The following ISLR2 variants were observed in gnomAD, a reference collection of about 807,000 sequenced individuals.
The protein encoded by ISLR2 is immunoglobulin superfamily containing leucine-rich repeat protein 2.
A neutral mutation model predicts 25.5 loss-of-function variants in ISLR2; 16 were observed. The observed-to-expected ratio is 0.63, with a 90% CI of 0.43 to 0.95. ISLR2 has a LOEUF of 0.95. Ranked by LOEUF, ISLR2 falls within the 40% of genes least tolerant of loss-of-function variation. The probability of loss-of-function intolerance (pLI) is 0.00; values close to 1 mark genes in which losing one functional copy is unlikely to be tolerated. For synonymous variants in ISLR2, 508 were observed against 486.6 expected (o/e 1.04, Z -0.58); for missense variants, 883 against 1,030.7 (o/e 0.86, Z 1.96).
At chr15:74,137,264 T>C (rs560393577), downstream of ISLR2, among the ~76,000 whole-genome samples, 2 of 152,218 alleles carry the variant, frequency 1.3e-5, no homozygotes, top group South Asian at 2.1e-4. Context: ...ATGGGATTCA[T>C]AGGGACAAGA....
At chr15:74,138,288 C>CTTTTTTTTTTTT (rs34518777), downstream of ISLR2, 30 of 91,654 alleles carry the variant, frequency 3.3e-4, no homozygotes, top group South Asian at 7.9e-4. Flanking sequence ...TTTCTTTTCT[C>CTTTTTTTTTTTT]TTTTTTTTTT....
At chr15:74,130,840 T>G (rs1387863831) in intron 1 of ISLR2, among the ~76,000 whole-genome samples, 2 of 147,284 alleles carry the variant, frequency 1.4e-5, no homozygotes, top group Admixed American at 6.8e-5. Context: ...GTGGGGGAGG[T>G]GGTGTGATCA....
chr15:74,138,617 A>T (rs919372673), downstream of ISLR2: 2 of 152,360 alleles, frequency 1.3e-5, no homozygotes, highest in Non-Finnish European at 2.9e-5. Flanking sequence ...TAGAAATGTT[A>T]GCGGAGATAA....
chr15:74,128,791 A>G (rs962726114), upstream of ISLR2: 36 of 422,752 alleles, frequency 8.5e-5, no homozygotes, highest in Middle Eastern at 3.8e-4. Flanking sequence ...TATCCTTCCC[A>G]GGCACAGGCT....
downstream of ISLR2, among the ~76,000 whole-genome samples, chr15:74,140,498 CAACA>C (rs2072605713): frequency 1.3e-5 from 2 of 152,168 alleles, no homozygotes; most frequent in South Asian, 4.1e-4. Flanking sequence ...GCTCTCTGCA[CAACA>C]GGAGGTGTCG....
At position 74,134,649 on chromosome 15, in the gene ISLR2, A is replaced by G. The variant is rs1329796338; in HGVS notation, c.1895A>G (p.Gln632Arg). 28 of 1,613,950 alleles carry G rather than the reference A, an allele frequency of 1.7e-5. No homozygotes were observed. Among genetic ancestry groups the G allele is most frequent in the Non-Finnish European group, 2.0e-5 (24 of 1,180,024 alleles). Reference protein sequence around the residue: ...GKPYRLILRPQAPDPMEKRIA... With the variant: ...GKPYRLILRPRAPDPMEKRIA... ...CCCTACCGTCTGATCCTGCGGCCTC[A>G]GGCCCCTGACCCTATGGAGAAGCGC... The change falls in exon 3 of 3, where the codon CAG becomes CGG. Residue 632 changes from glutamine (Q) to arginine (R), a missense_variant. Gln to Arg is a conservative substitution (Grantham distance 43, BLOSUM62 1). Transcript: ENST00000453268.
chr15:74,134,983 G>C lies in ISLR2; in HGVS notation c.2229G>C (p.Thr743=), dbSNP rs945117292. The change falls in exon 3 of 3, where the codon ACG becomes ACC. Residue 743 remains threonine (T), a synonymous_variant. Coordinates refer to ENST00000453268, the MANE Select transcript of ISLR2 (RefSeq NM_020851.3). The part of the protein sequence containing the change: ...AQEINGNYRQ[T]AG Reference sequence around the variant, plus strand: ...AGATTAATGGCAACTACAGGCAGACGGCAGGCTGAACCTCCGCCCGTCCGG... The same window carrying C: ...AGATTAATGGCAACTACAGGCAGACCGCAGGCTGAACCTCCGCCCGTCCGG... 1.9e-6 allele frequency: 3 copies of C among 1,611,986 alleles called. No individual in the cohort carries two copies. Among genetic ancestry groups the C allele is most frequent in the Middle Eastern group, 1.9e-4 (1 of 5,210 alleles).
chr15:74,123,594 A>G (rs1444620395), upstream of ISLR2, among the ~76,000 whole-genome samples: 2 of 152,130 alleles, frequency 1.3e-5, no homozygotes, highest in Non-Finnish European at 2.9e-5. Context: ...CCCACTTTGC[A>G]CTGCCCCACA....
chr15:74,129,169 G>A, upstream of ISLR2: 1 of 411,654 alleles, frequency 2.4e-6, no homozygotes, highest in Non-Finnish European at 4.9e-6. This position sits in a 1 kb window ranked among gnomAD's most constrained non-coding sequence, Gnocchi z 4.5. Flanking sequence ...AGCAAGATGC[G>A]ATGGTCTCAG....
In ISLR2 at chr15:74,134,201, G is replaced by A. The variant is rs1423669561; in HGVS notation, c.1447G>A (p.Val483Ile). 6.2e-7 allele frequency: 1 copy of A among 1,610,146 alleles called. No homozygotes were observed. Among genetic ancestry groups the A allele is most frequent in the East Asian group, 2.2e-5 (1 of 44,688 alleles). ...FNQSAELKPH[V>I]FELGVIALDV... is the part of the protein sequence containing the mutation. The stretch of plus-strand genomic sequence containing the variant: ...CCAGAGCGCAGAGCTCAAGCCGCAC[G>A]TCTTCGAGCTGGGCGTCATCGCGCT... The change falls in exon 3 of 3, where the codon GTC becomes ATC. Residue 483 changes from valine (V) to isoleucine (I), a missense_variant. This residue lies in a region of ISLR2 where 612 missense variants were observed against 642.8 expected (regional missense o/e 0.95). Coordinates refer to ENST00000453268, the MANE Select transcript of ISLR2 (RefSeq NM_020851.3).
At chr15:74,125,316 C>T (rs2072286262), upstream of ISLR2, among the ~76,000 whole-genome samples, 1 of 152,130 alleles carries the variant, frequency 6.6e-6, no homozygotes, top group African/African-American at 2.4e-5. Context: ...TGGCTTATGG[C>T]TGCCTCGACC....
At chr15:74,112,708 A>G (rs2072178099) in intron 2 of ISLR2, among the ~76,000 whole-genome samples, 1 of 151,930 alleles carries the variant, frequency 6.6e-6, no homozygotes. Flanking sequence ...TTGTATTTTT[A>G]GTAGAGATGG....
chr15:74,111,529 T>A (rs1222214173), intron 2 of ISLR2, among the ~76,000 whole-genome samples: 2 of 152,056 alleles, frequency 1.3e-5, no homozygotes, highest in Admixed American at 6.5e-5. Flanking sequence ...CTTCAACTGA[T>A]CCACCCGCCT....
rs781592083 is a variant in ISLR2, at chr15:74,133,433, G to A, written c.679G>A (p.Ala227Thr). The A allele has an allele frequency of 3.1e-6, 5 of 1,608,784 alleles. No homozygotes were observed. The Admixed American group carries it at 8.3e-5, about 27-fold the overall frequency. Residue 227 changes from alanine to threonine, a missense_variant, in exon 3 of 3, where the codon GCC (alanine) becomes ACC (threonine). By Grantham distance (58) the Ala-to-Thr change is moderately conservative. Around this residue, in one of 2 missense-constraint regions of ISLR2, gnomAD observed 271 missense variants for 387.9 expected, o/e 0.70. Transcript: ENST00000453268. ...LQGVPVYRLP[A>T]LPCAPPSVHL... is the part of the protein sequence containing the mutation. Reference sequence around the variant, plus strand: ...GGGGGTGCCGGTGTACCGCCTGCCCGCCCTGCCCTGTGCACCGCCCAGCGT... The same window carrying A: ...GGGGGTGCCGGTGTACCGCCTGCCCACCCTGCCCTGTGCACCGCCCAGCGT...
chr15:74,107,762 T>A (rs1208675983), intron 2 of ISLR2, among the ~76,000 whole-genome samples: 1 of 152,204 alleles, frequency 6.6e-6, no homozygotes, highest in Non-Finnish European at 1.5e-5. Context: ...ATTTTCTACC[T>A]ATCATTCGAT....
At chr15:74,106,565 C>T (rs2072121265) in intron 2 of ISLR2, among the ~76,000 whole-genome samples, 1 of 152,130 alleles carries the variant, frequency 6.6e-6, no homozygotes, top group Non-Finnish European at 1.5e-5. Context: ...TGAGTTCAGT[C>T]TTGGGGGTCT....
At chr15:74,139,097 C>T (rs1481922354), downstream of ISLR2, among the ~76,000 whole-genome samples, 1 of 152,240 alleles carries the variant, frequency 6.6e-6, no homozygotes, top group African/African-American at 2.4e-5. Flanking sequence ...GGTGAAAGCT[C>T]TGCCCCTCTT....
chr15:74,133,717 C>A lies in ISLR2; in HGVS notation c.963C>A (p.Pro321=). Residue 321 remains proline, a synonymous_variant, in exon 3 of 3, where the codon CCC becomes CCA. Coordinates refer to ENST00000453268, the MANE Select transcript of ISLR2 (RefSeq NM_020851.3). The stretch of plus-strand genomic sequence containing the variant: ...AAGCCCAAACGCCGACTCCAGCACC[C>A]GCTTGGCCGGCGCCCCCAGCCACAC... The part of the protein sequence containing the change: ...QTQAQTPTPA[P]AWPAPPATPR... 6.2e-7 allele frequency: 1 copy of A among 1,609,046 alleles called. No individual in the cohort carries two copies. Among genetic ancestry groups the A allele is most frequent in the Non-Finnish European group, 8.5e-7 (1 of 1,177,704 alleles).
chr15:74,126,894 A>ATT (rs1323391111), upstream of ISLR2: 2 of 113,428 alleles, frequency 1.8e-5, no homozygotes, highest in South Asian at 3.1e-4. Flanking sequence ...TGGAGAGAAC[A>ATT]TTTGTGTGTG....
Sources: gnomAD v4.1 joint callset for allele counts (sites outside exome capture counted in the v4.1 genomes callset) on GRCh38, gnomAD v4.1.1 for gene constraint, gnomAD v4.1.1 regional missense constraint, Gnocchi (gnomAD v3.1) non-coding constraint, MANE v1.5 for transcripts, NCBI Gene and HGNC (gene_info 2026-07-23, HGNC 2026-07-21) for gene names.